The following SYN3 variants were observed in gnomAD, a reference collection of about 807,000 sequenced individuals.
SYN3 encodes synapsin III.
SYN3 carries 35 observed loss-of-function variants against 65.8 expected under a neutral mutation model. The ratio of observed to expected loss-of-function variants is 0.53; its 90% CI spans 0.41 to 0.70. The LOEUF is 0.70. Among genes scored for constraint, SYN3 ranks in the 30% least tolerant of loss-of-function variants. SYN3 has a pLI of 0.00. For missense variants in SYN3, 680 were observed against 749.0 expected, an observed-to-expected ratio of 0.91 and a Z score of 1.08; for synonymous variants, 270 against 292.9, an observed-to-expected ratio of 0.92 and a Z score of 0.80.
chr22:32,696,779 G>A (rs2060742509), intron 6 of SYN3, among the ~76,000 whole-genome samples: 1 of 152,116 alleles, frequency 6.6e-6, no homozygotes, highest in South Asian at 2.1e-4. Flanking sequence ...CTCTCTGTAG[G>A]AGAAAGGAGG....
At chr22:32,601,420 G>A (rs1034891552) in intron 6 of SYN3, among the ~76,000 whole-genome samples, 5 of 152,120 alleles carry the variant, frequency 3.3e-5, no homozygotes, top group Non-Finnish European at 7.4e-5. Context: ...TGGGACTACA[G>A]GCGCCCGCCA....
chr22:32,781,541 A>C (rs1422283543), intron 6 of SYN3, among the ~76,000 whole-genome samples: 1 of 152,172 alleles, frequency 6.6e-6, no homozygotes, highest in Non-Finnish European at 1.5e-5. Context: ...GGCTGGGCTC[A>C]GGCTTAAAGG....
rs1174071355 is a variant in SYN3 at position 32,510,992 on chromosome 22, T to C, written c.*2700A>G. 6.9e-6 allele frequency among the ~76,000 whole-genome samples: 1 copy of C among 145,066 alleles called. No homozygotes were observed. Among genetic ancestry groups the C allele is most frequent in the African/African-American group, 2.5e-5 (1 of 40,116 alleles). On this transcript the variant is annotated 3_prime_UTR_variant, in exon 14 of 14. Transcript: ENST00000358763. ...CCAAGTTATTGTCCAGGCGTGTGTG[T>C]GTGTGTGTGTGTGTGTGTGTGTGTA... is the stretch of plus-strand genomic sequence containing the variant.
intron 6 of SYN3, among the ~76,000 whole-genome samples, chr22:32,784,339 A>G (rs1405850845): frequency 6.6e-6 from 1 of 152,200 alleles, no homozygotes; most frequent in Admixed American, 6.5e-5. Context: ...TCTTGGGAGG[A>G]GGCACTTTTT....
intron 1 of SYN3, among the ~76,000 whole-genome samples, chr22:33,048,577 G>A (rs548492153): frequency 6.6e-6 from 1 of 152,000 alleles, no homozygotes; most frequent in Non-Finnish European, 1.5e-5. Context: ...ATAGGAGCCT[G>A]GCACGTACTC....
chr22:32,810,092 G>A (rs1206788023), intron 6 of SYN3, among the ~76,000 whole-genome samples: 1 of 152,246 alleles, frequency 6.6e-6, no homozygotes, highest in South Asian at 2.1e-4. Context: ...GGTACACAAA[G>A]TATTGATTCT....
chr22:32,536,213 G>A (rs1204950819), intron 9 of SYN3, among the ~76,000 whole-genome samples: 2 of 152,222 alleles, frequency 1.3e-5, no homozygotes, highest in South Asian at 2.1e-4. Flanking sequence ...CCTGTTGGGG[G>A]AAGGAGGTGA....
chr22:32,756,362 T>C (rs2045292446), intron 6 of SYN3, among the ~76,000 whole-genome samples: 1 of 152,208 alleles, frequency 6.6e-6, no homozygotes, highest in Non-Finnish European at 1.5e-5. Context: ...ACATGGCACA[T>C]GTATACACAT....
chr22:32,934,363 G>T (rs2050717416), intron 3 of SYN3, among the ~76,000 whole-genome samples: 1 of 152,178 alleles, frequency 6.6e-6, no homozygotes, highest in African/African-American at 2.4e-5. Context: ...TCACACTCAG[G>T]CTTGGATGTA....
rs376862594 is a variant in SYN3 at position 32,981,236 on chromosome 22, C to T, written c.312-534G>A. Among the ~76,000 whole-genome samples, 6 of 151,740 alleles carry T rather than the reference C, an allele frequency of 4.0e-5. No homozygotes were observed. In the East Asian group the frequency reaches 5.8e-4, roughly 15 times the overall value. On this transcript the variant is annotated intron_variant, in intron 2 of 13. Transcript: ENST00000358763. ...GGAGGCTCAAGTTCTAGTTCTGTCA[C>T]GTCACTTGACCTCTCTGCATCTCAG... is the stretch of plus-strand genomic sequence containing the variant.
chr22:32,536,559 C>G (rs1340115356), intron 9 of SYN3, among the ~76,000 whole-genome samples: 1 of 152,214 alleles, frequency 6.6e-6, no homozygotes, highest in East Asian at 1.9e-4. Context: ...CTGACATAGG[C>G]CTCCAATCAC....
At chr22:32,638,162 G>T (rs968298275) in intron 6 of SYN3, among the ~76,000 whole-genome samples, 1 of 151,978 alleles carries the variant, frequency 6.6e-6, no homozygotes, top group African/African-American at 2.4e-5. Flanking sequence ...CTTTTTAATG[G>T]CTGCATAGTA....
chr22:32,722,668 G>A (rs1482650650), intron 6 of SYN3, among the ~76,000 whole-genome samples: 1 of 152,226 alleles, frequency 6.6e-6, no homozygotes, highest in African/African-American at 2.4e-5. Flanking sequence ...CAGGGGTGGG[G>A]AGGAAGTGTT....
chr22:32,587,766 G>A (rs1179339094), intron 7 of SYN3, among the ~76,000 whole-genome samples: 1 of 152,198 alleles, frequency 6.6e-6, no homozygotes, highest in East Asian at 1.9e-4. Context: ...AACATCGCCT[G>A]GAGGAGCGGC....
intron 6 of SYN3, among the ~76,000 whole-genome samples, chr22:32,737,885 G>C (rs2061354418): frequency 6.6e-6 from 1 of 152,136 alleles, no homozygotes; most frequent in Admixed American, 6.5e-5. Flanking sequence ...ACATTGCTCT[G>C]CTTTTCTGCC....
chr22:32,999,857 G>A (rs1395303730), intron 2 of SYN3, among the ~76,000 whole-genome samples: 1 of 152,138 alleles, frequency 6.6e-6, no homozygotes, highest in African/African-American at 2.4e-5. Flanking sequence ...GCAGGCAGGA[G>A]CAAAGTGAAA....
chr22:32,777,303 T>C (rs1418354723), intron 6 of SYN3, among the ~76,000 whole-genome samples: 3 of 152,154 alleles, frequency 2.0e-5, no homozygotes, highest in Admixed American at 6.5e-5. Context: ...AAATTCTTTC[T>C]GGTTGGGAGA....
Position 32,538,089 on chromosome 22 carries a change from G to A in SYN3, c.939C>T (p.Asn313=), listed in dbSNP as rs2058194985. 2 of 1,614,158 alleles carry A rather than the reference G, an allele frequency of 1.2e-6. No individual in the cohort carries two copies. Among genetic ancestry groups the A allele is most frequent in the South Asian group, 1.1e-5 (1 of 91,084 alleles). ...KAYMRTSISG[N]WKANTGSAML... is the part of the protein sequence containing the mutation. ...TGGCAGAGCCTGTGTTGGCCTTCCA[G>A]TTCCCAGAGATGGAGGTTCTCCTGT... The change falls in exon 9 of 14, where the codon AAC becomes AAT. Residue 313 remains asparagine, a synonymous_variant. Coordinates refer to ENST00000358763, the MANE Select transcript of SYN3 (RefSeq NM_003490.4).
intron 12 of SYN3, among the ~76,000 whole-genome samples, chr22:32,523,958 TCAAACCAGACG>T (rs2057933549): frequency 6.6e-6 from 1 of 152,178 alleles, no homozygotes; most frequent in Non-Finnish European, 1.5e-5. Context: ...GGAAAGAAGA[TCAAACCAGACG>T]CAACATTGCC....
Sources: gnomAD v4.1 joint callset for allele counts (sites outside exome capture counted in the v4.1 genomes callset) on GRCh38, gnomAD v4.1.1 for gene constraint, MANE v1.5 for transcripts, NCBI Gene and HGNC (gene_info 2026-07-23, HGNC 2026-07-21) for gene names.